The following SARM1 variants were observed in gnomAD, a reference collection of about 807,000 sequenced individuals.
The protein encoded by SARM1 is NAD(+) hydrolase SARM1.
Under a neutral mutation model 65.1 loss-of-function variants are expected in SARM1, and 60 were observed. That is an observed-to-expected ratio of 0.92 (90% CI 0.75 to 1.14). SARM1 has a LOEUF of 1.14. SARM1 is among the 50% of genes most tolerant of loss of function. The pLI, the probability that SARM1 is intolerant of heterozygous loss-of-function variation, is 0.00. For synonymous variants in SARM1, 417 were observed against 465.4 expected (o/e 0.90, Z 1.34); for missense variants, 913 against 1,015.7 (o/e 0.90, Z 1.37).
chr17:28,374,970 C>CAAAAAAAAAAAAAAAAAAAA (rs35032822), intron 1 of SARM1, among the ~76,000 whole-genome samples: 1 of 70,432 alleles, frequency 1.4e-5, no homozygotes, highest in Non-Finnish European at 2.7e-5. Context: ...CAGACCTTGT[C>CAAAAAAAAAAAAAAAAAAAA]AAAAAAAAAA....
Position 28,402,960 on chromosome 17 carries a change from A to G in SARM1, c.*6674A>G, listed in dbSNP as rs1190420875. 6.6e-6 allele frequency: 1 copy of G among 152,296 alleles called. No homozygotes were observed. 9.4% of individuals were successfully genotyped at this position (152,296 alleles called of 1,614,324 possible). Reference sequence around the variant, plus strand: ...GTCACACATATCTTTATAAGAGGAAAGCAGACGGAGATTTGGCACCGACAG... The same window carrying G: ...GTCACACATATCTTTATAAGAGGAAGGCAGACGGAGATTTGGCACCGACAG... On this transcript the variant is annotated 3_prime_UTR_variant, in exon 9 of 9. Transcript: ENST00000585482.
chr17:28,390,877 ACTG>A (rs2068076272), intron 7 of SARM1, among the ~76,000 whole-genome samples: 1 of 152,240 alleles, frequency 6.6e-6, no homozygotes, highest in Non-Finnish European at 1.5e-5. Flanking sequence ...ACATCTTGGT[ACTG>A]CTTTCTCCAT....
In SARM1 at chr17:28,401,105, C is replaced by CTTT; in HGVS notation, c.*4820_*4822dup. 1 of 354,004 alleles carries CTTT rather than the reference C, an allele frequency of 2.8e-6. No individual in the cohort carries two copies. The highest frequency in any genetic ancestry group is 5.5e-6 in the Non-Finnish European group (1 of 183,378). 21.9% of individuals were successfully genotyped at this position (354,004 alleles called of 1,614,324 possible). A position where few individuals can be genotyped will look rare whatever the true frequency, so the allele number is the denominator to read the frequency against. On this transcript the variant is annotated 3_prime_UTR_variant, in exon 9 of 9. Transcript: ENST00000585482. ...AAATGGCTTTTTTCTGGTTTATCCT[C>CTTT]TTTGGAATCATCTCCTGTTTGGGAT...
Position 28,381,388 on chromosome 17 carries a change from A to T in SARM1, c.656A>T (p.Asp219Val). The T allele has an allele frequency of 6.4e-7, 1 of 1,558,202 alleles. No individual in the cohort carries two copies. Among genetic ancestry groups the T allele is most frequent in the Non-Finnish European group, 8.7e-7 (1 of 1,151,810 alleles). ...GTGCTGTATTGGTGCCGCCGCACGG[A>T]CCCCGCGCTGCTGCGCCACTGCGCG... Reference protein sequence around the residue: ...DAVLYWCRRTDPALLRHCALA... With the variant: ...DAVLYWCRRTVPALLRHCALA... The change falls in exon 2 of 9, where the codon GAC becomes GTC. Residue 219 changes from aspartate (D) to valine (V), a missense_variant. Asp to Val is a radical substitution (Grantham distance 152, BLOSUM62 -3). This residue lies in a region of SARM1 where 862 missense variants were observed against 952.1 expected (regional missense o/e 0.91). Transcript: ENST00000585482.
rs782605270 is a variant in SARM1 at position 28,385,278 on chromosome 17, C to G, written c.1630+3C>G. ...CCGCATCCTCACGGCGGCCAGAGGT[C>G]AGCCCGCTCACCCGGGACCCCGCCC... On this transcript the variant is annotated splice_donor_region_variant and intron_variant, in intron 5 of 8. Coordinates refer to ENST00000585482, the MANE Select transcript of SARM1 (RefSeq NM_015077.4). This position sits in a 1 kb window ranked among gnomAD's most constrained non-coding sequence, Gnocchi z 4.5. 3.3e-6 allele frequency: 5 copies of G among 1,528,318 alleles called. No individual in the cohort carries two copies. In the South Asian group the frequency reaches 4.8e-5, roughly 15 times the overall value. The allele number at this position is 1,528,318 out of a possible 1,614,324, so 94.7% of individuals were successfully genotyped here. A position where few individuals can be genotyped will look rare whatever the true frequency, so the allele number is the denominator to read the frequency against.
At chr17:28,395,734 A>G in intron 7 of SARM1, 171 bp from the exon 8 acceptor site, 2 of 654,964 alleles carry the variant, frequency 3.1e-6, no homozygotes, top group Non-Finnish European at 2.6e-6. Context: ...AAGGAAAAAT[A>G]TTTATTTTTT....
rs988138947 is a variant in SARM1 at position 28,398,135 on chromosome 17, C to T, written c.*1849C>T. The stretch of plus-strand genomic sequence containing the variant: ...GGACACTGCCCTCACAGGACAGCGC[C>T]AATAACAATACAGTGTCTGAGTATC... On this transcript the variant is annotated 3_prime_UTR_variant, in exon 9 of 9. Coordinates refer to ENST00000585482, the MANE Select transcript of SARM1 (RefSeq NM_015077.4). The T allele has an allele frequency of 1.3e-5, 2 of 152,344 alleles. No individual in the cohort carries two copies. The highest frequency in any genetic ancestry group is 4.8e-5 in the African/African-American group (2 of 41,432). 9.4% of individuals were successfully genotyped at this position (152,344 alleles called of 1,614,324 possible).
intron 5 of SARM1, among the ~76,000 whole-genome samples, chr17:28,387,272 G>T (rs1157058949): frequency 6.8e-6 from 1 of 147,598 alleles, no homozygotes; most frequent in Non-Finnish European, 1.5e-5. Flanking sequence ...TCACTCTGTC[G>T]CCCAGGCTAG....
Position 28,372,072 on chromosome 17 carries a change from C to A in SARM1, c.40C>A (p.Arg14Ser). Residue 14 changes from arginine (R) to serine (S), a missense_variant, in exon 1 of 9, where the codon CGC (arginine) becomes AGC (serine). By Grantham distance (110) the Arg-to-Ser change is moderately radical. This residue lies in a region of SARM1 where 39 missense variants were observed against 32.0 expected (regional missense o/e 1.22). Coordinates refer to ENST00000585482, the MANE Select transcript of SARM1 (RefSeq NM_015077.4). The surrounding 1 kb of genome is among the most constrained non-coding windows in gnomAD (Gnocchi z 5.2). ...GCTTCTCTCCGCCTACAAGCTGTGT[C>A]GCTTCTTCGCCATGTCGGGCCCACG... is the stretch of plus-strand genomic sequence containing the variant. ...TLLLSAYKLC[R>S]FFAMSGPRPG... 6.7e-7 allele frequency: 1 copy of A among 1,500,966 alleles called. No homozygotes were observed. Among genetic ancestry groups the A allele is most frequent in the African/African-American group, 1.4e-5 (1 of 69,332 alleles). The allele number at this position is 1,500,966 out of a possible 1,614,324, so 93.0% of individuals were successfully genotyped here.
rs372001705 is a variant in SARM1 at position 28,379,468 on chromosome 17, G to A, written c.471-1735G>A. ...TAGGACTACAGGCACCCGCCACCAC[G>A]CCCGGCTAATTTTTTGTATTTTTAG... is the stretch of plus-strand genomic sequence containing the variant. On this transcript the variant is annotated intron_variant, in intron 1 of 8. Coordinates refer to ENST00000585482, the MANE Select transcript of SARM1 (RefSeq NM_015077.4). 1.4e-3 allele frequency among the ~76,000 whole-genome samples: 207 copies of A among 151,866 alleles called. 7 individuals are homozygous for A. In the South Asian group the frequency reaches 0.04, roughly 29 times the overall value.
Position 28,395,941 on chromosome 17 carries a change from G to A in SARM1, c.1960G>A (p.Val654Met), listed in dbSNP as rs782225125. The part of the protein sequence containing the change: ...VTALSCGKNI[V>M]PIIDGFEWPE... ...TGCTTTAAGCTGCGGCAAGAACATT[G>A]TGCCCATCATTGATGGCTTCGAGTG... Residue 654 changes from valine (V) to methionine (M), a missense_variant, in exon 8 of 9, where the codon GTG becomes ATG. Coordinates refer to ENST00000585482, the MANE Select transcript of SARM1 (RefSeq NM_015077.4). 54 of 1,613,800 alleles carry A rather than the reference G, an allele frequency of 3.3e-5. No individual in the cohort carries two copies. The highest frequency in any genetic ancestry group is 4.4e-5 in the Non-Finnish European group (52 of 1,179,878).
chr17:28,371,991 C>T lies in SARM1; in HGVS notation c.-42C>T. On this transcript the variant is annotated 5_prime_UTR_variant, in exon 1 of 9. Coordinates refer to ENST00000585482, the MANE Select transcript of SARM1 (RefSeq NM_015077.4). ...CCAAAACCCGGGTCTCTCCGCGTGG[C>T]CCCGCCTCCAGGCCGGGGATGTCCC... 1 of 1,402,354 alleles carries T rather than the reference C, an allele frequency of 7.1e-7. No individual in the cohort carries two copies. The allele number at this position is 1,402,354 out of a possible 1,614,324, so 86.9% of individuals were successfully genotyped here.
Position 28,396,538 on chromosome 17 carries a change from T to A in SARM1, c.*252T>A. The A allele has an allele frequency of 1.9e-6, 1 of 538,870 alleles. No individual in the cohort carries two copies. Among genetic ancestry groups the A allele is most frequent in the Non-Finnish European group, 3.3e-6 (1 of 300,200 alleles). The allele number at this position is 538,870 out of a possible 1,614,324, so 33.4% of individuals were successfully genotyped here. ...CCAGGCCCTGCCATTGGGTTGTCTGTCTCCGTCATGGGGAGGGTCCCTGCT... is the reference window on the plus strand; with the variant it reads ...CCAGGCCCTGCCATTGGGTTGTCTGACTCCGTCATGGGGAGGGTCCCTGCT... On this transcript the variant is annotated 3_prime_UTR_variant, in exon 9 of 9. Coordinates refer to ENST00000585482, the MANE Select transcript of SARM1 (RefSeq NM_015077.4).
rs2068205315 is a variant in SARM1 at position 28,402,265 on chromosome 17, A to G, written c.*5979A>G. 2 of 1,613,464 alleles carry G rather than the reference A, an allele frequency of 1.2e-6. No homozygotes were observed. The highest frequency in any genetic ancestry group is 1.3e-5 in the African/African-American group (1 of 75,026). On this transcript the variant is annotated 3_prime_UTR_variant, in exon 9 of 9. Coordinates refer to ENST00000585482, the MANE Select transcript of SARM1 (RefSeq NM_015077.4). The stretch of plus-strand genomic sequence containing the variant: ...TGCTCTGTCTCTCTCACCAGCTTGG[A>G]GAGTTTAGCCCGGATGACAGGTGTG...
In SARM1 at chr17:28,399,588, G is replaced by T; in HGVS notation, c.*3302G>T. The stretch of plus-strand genomic sequence containing the variant: ...TGTCCTGCTGTGGGCTGGGCTTCCA[G>T]CTGCAGACCTCCAGTTGCTTGGTGT... On this transcript the variant is annotated 3_prime_UTR_variant, in exon 9 of 9. Coordinates refer to ENST00000585482, the MANE Select transcript of SARM1 (RefSeq NM_015077.4). The T allele has an allele frequency of 6.5e-7, 1 of 1,544,482 alleles. No individual in the cohort carries two copies. Among genetic ancestry groups the T allele is most frequent in the Non-Finnish European group, 8.9e-7 (1 of 1,118,440 alleles).
In SARM1 at chr17:28,399,184, C is replaced by T. The variant is rs2068165113; in HGVS notation, c.*2898C>T. 1.2e-5 allele frequency: 2 copies of T among 160,718 alleles called. No homozygotes were observed. The highest frequency in any genetic ancestry group is 4.8e-5 in the African/African-American group (2 of 41,700). The allele number at this position is 160,718 out of a possible 1,614,324, so 10.0% of individuals were successfully genotyped here. A position where few individuals can be genotyped will look rare whatever the true frequency, so the allele number is the denominator to read the frequency against. The stretch of plus-strand genomic sequence containing the variant: ...CCCCTCTTACCTCCCTCCCTCCTTC[C>T]CAAGGCTGGCACTAACCAGGTACCA... On this transcript the variant is annotated 3_prime_UTR_variant, in exon 9 of 9. Transcript: ENST00000585482.
In SARM1 at chr17:28,381,620, G is replaced by A. The variant is rs1003062259; in HGVS notation, c.888G>A (p.Val296=). The A allele has an allele frequency of 1.3e-6, 2 of 1,574,622 alleles. No individual in the cohort carries two copies. Among genetic ancestry groups the A allele is most frequent in the African/African-American group, 1.4e-5 (1 of 74,020 alleles). ...EVERSGTLAL[V]EPLVASLDPG... Reference sequence around the variant, plus strand: ...AGCGCTCGGGCACGCTGGCGCTCGTGGAGCCGCTTGTGGCCTCGCTGGACC... The same window carrying A: ...AGCGCTCGGGCACGCTGGCGCTCGTAGAGCCGCTTGTGGCCTCGCTGGACC... Residue 296 remains valine, a synonymous_variant, in exon 2 of 9, where the codon GTG becomes GTA. Coordinates refer to ENST00000585482, the MANE Select transcript of SARM1 (RefSeq NM_015077.4).
intron 1 of SARM1, among the ~76,000 whole-genome samples, chr17:28,380,432 C>A (rs2068016073): frequency 6.6e-6 from 1 of 152,216 alleles, no homozygotes; most frequent in Non-Finnish European, 1.5e-5. Context: ...CAGGCACACG[C>A]CATTACATCA....
chr17:28,379,951 T>G (rs1247380092), intron 1 of SARM1, among the ~76,000 whole-genome samples: 2 of 152,250 alleles, frequency 1.3e-5, no homozygotes, highest in Non-Finnish European at 2.9e-5. Flanking sequence ...AATTGCCTGT[T>G]TATGTCCTTT....
Sources: allele counts gnomAD v4.1 joint callset (sites outside exome capture counted in the v4.1 genomes callset), GRCh38; gene constraint gnomAD v4.1.1; regional missense constraint gnomAD v4.1.1; non-coding constraint Gnocchi (gnomAD v3.1); transcripts MANE v1.5; gene names NCBI Gene and HGNC (gene_info 2026-07-23, HGNC 2026-07-21).